Variants in SNX9 observed in about 807,000 individuals in gnomAD.
The protein encoded by SNX9 is sorting nexin 9, also known as sorting nexin-9.
A neutral mutation model predicts 89.4 loss-of-function variants in SNX9; 44 were observed. The observed-to-expected ratio is 0.49, with a 90% confidence interval of 0.39 to 0.63. The LOEUF is 0.63. SNX9 is among the 30% of genes least tolerant of loss of function. The pLI is 0.00. For missense variants in SNX9, 578 were observed against 736.1 expected, an observed-to-expected ratio of 0.79 and a Z score of 2.49; for synonymous variants, 236 against 247.8, an observed-to-expected ratio of 0.95 and a Z score of 0.45.
intron 14 of SNX9, among the ~76,000 whole-genome samples, chr6:157,936,524 A>T (rs1048757746): frequency 6.6e-6 from 1 of 152,188 alleles, no homozygotes; most frequent in African/African-American, 2.4e-5. Context: ...AAAAAAAGAC[A>T]TCTAAATGAA....
intron 2 of SNX9, among the ~76,000 whole-genome samples, chr6:157,870,849 CCTG>C (rs1386874254): frequency 1.5e-4 from 22 of 151,390 alleles, no homozygotes; most frequent in Non-Finnish European, 1.9e-4. Flanking sequence ...CCCACACTCT[CCTG>C]CTCTCACACA....
chr6:157,861,375 GACTTGGCCCTGCCATAGTTTAACAGTTT>G (rs1782117814), intron 1 of SNX9, among the ~76,000 whole-genome samples: 1 of 152,234 alleles, frequency 6.6e-6, no homozygotes, highest in Non-Finnish European at 1.5e-5. Flanking sequence ...TGGTGCAGCT[GACTTGGCCCTGCCATAGTTTAACAGTTT>G]GAATAATGAC....
At chr6:157,848,401 A>G (rs1292157363) in intron 1 of SNX9, among the ~76,000 whole-genome samples, 1 of 152,230 alleles carries the variant, frequency 6.6e-6, no homozygotes, top group Non-Finnish European at 1.5e-5. Flanking sequence ...AGATTTAGAA[A>G]AAGTGTAATT....
chr6:157,915,640 A>AAATATATAT (rs1472422303), intron 9 of SNX9, among the ~76,000 whole-genome samples: 2 of 95,172 alleles, frequency 2.1e-5, no homozygotes, highest in African/African-American at 9.3e-5. Context: ...AAAAAAAAAA[A>AAATATATAT]ATATATATAT....
chr6:157,828,732 C>G (rs113205294), intron 1 of SNX9, among the ~76,000 whole-genome samples: 4 of 152,102 alleles, frequency 2.6e-5, no homozygotes, highest in African/African-American at 7.2e-5. Context: ...TCCTCAGCCC[C>G]GCAAAGTATT....
rs1781276791 is a variant in SNX9, at chr6:157,823,457, C to T, written c.12+11C>T. The T allele has an allele frequency of 1.6e-6, 2 of 1,218,240 alleles. No homozygotes were observed. The highest frequency in any genetic ancestry group is 2.0e-6 in the Non-Finnish European group (2 of 982,062). The allele number at this position is 1,218,240 out of a possible 1,614,324, so 75.5% of individuals were successfully genotyped here. On this transcript the variant is annotated intron_variant, in intron 1 of 17. Transcript: ENST00000392185. The surrounding 1 kb of genome is among the most constrained non-coding windows in gnomAD (Gnocchi z 4.6). ...GCCATGGCCACCAAGGTGAGGGGCG[C>T]GCGGCGCAGGCCGGGCCGGTCGCTC...
chr6:157,879,490 A>G (rs573670766), intron 4 of SNX9, among the ~76,000 whole-genome samples: 4 of 152,288 alleles, frequency 2.6e-5, no homozygotes, highest in Non-Finnish European at 5.9e-5. Flanking sequence ...ACTGAATCAA[A>G]CTCTCTTCAT....
intron 1 of SNX9, among the ~76,000 whole-genome samples, chr6:157,866,217 A>G (rs980639952): frequency 6.6e-6 from 1 of 152,210 alleles, no homozygotes; most frequent in Admixed American, 6.5e-5. Flanking sequence ...CTCTTGAGGA[A>G]GAGCCTGCAA....
Position 157,921,448 on chromosome 6 carries a change from A to G in SNX9, c.950-83A>G, listed in dbSNP as rs1740477480. On this transcript the variant is annotated intron_variant, in intron 9 of 17. Coordinates refer to ENST00000392185, the MANE Select transcript of SNX9 (RefSeq NM_016224.5). ...TTTCTACCCAATAGCCAGTAGACATAGAAATGGTTTTTCAGTTACAGTATG... is the reference window on the plus strand; with the variant it reads ...TTTCTACCCAATAGCCAGTAGACATGGAAATGGTTTTTCAGTTACAGTATG... 3 of 1,436,938 alleles carry G rather than the reference A, an allele frequency of 2.1e-6. No homozygotes were observed. In the South Asian group the frequency reaches 3.8e-5, roughly 18 times the overall value. 89.0% of individuals were successfully genotyped at this position (1,436,938 alleles called of 1,614,324 possible).
At chr6:157,851,692 C>T (rs763476138) in intron 1 of SNX9, among the ~76,000 whole-genome samples, 6 of 152,144 alleles carry the variant, frequency 3.9e-5, no homozygotes, top group Admixed American at 6.6e-5. Context: ...AGGGTTCAAG[C>T]GATTTTCCTG....
intron 1 of SNX9, among the ~76,000 whole-genome samples, chr6:157,834,150 GTTTTTTTTTTTTTT>G (rs561509955): frequency 2.0e-3 from 70 of 35,642 alleles, no homozygotes; most frequent in South Asian, 4.0e-3. Flanking sequence ...GTCCACTGTG[GTTTTTTTTTTTTTT>G]TTTTTTTTTT....
At chr6:157,841,645 G>A (rs948703608) in intron 1 of SNX9, among the ~76,000 whole-genome samples, 5 of 152,144 alleles carry the variant, frequency 3.3e-5, no homozygotes, top group African/African-American at 1.2e-4. Context: ...AGTTGTCTAA[G>A]GCAGGTATCT....
chr6:157,889,388 A>G (rs945955465), intron 4 of SNX9, among the ~76,000 whole-genome samples: 40 of 146,392 alleles, frequency 2.7e-4, no homozygotes, highest in Admixed American at 2.4e-3. Context: ...CCGAGATCAC[A>G]CCACTGTACT....
At chr6:157,848,138 T>C (rs1378272847) in intron 1 of SNX9, among the ~76,000 whole-genome samples, 1 of 152,240 alleles carries the variant, frequency 6.6e-6, no homozygotes, top group African/African-American at 2.4e-5. Context: ...ACAATGCTTC[T>C]GAGAGAAGGA....
In SNX9 at chr6:157,825,583, C is replaced by A. The variant is rs532850643; in HGVS notation, c.12+2137C>A. Among the ~76,000 whole-genome samples, 25 of 152,302 alleles carry A rather than the reference C, an allele frequency of 1.6e-4. No individual in the cohort carries two copies. In the South Asian group the frequency reaches 5.0e-3, roughly 30 times the overall value. On this transcript the variant is annotated intron_variant, in intron 1 of 17. Coordinates refer to ENST00000392185, the MANE Select transcript of SNX9 (RefSeq NM_016224.5). ...ATCTACACCACTCCAAAGGCAAATT[C>A]CAGTAGTTCTGTTAGTTTCTTTCGG...
intron 1 of SNX9, among the ~76,000 whole-genome samples, chr6:157,838,306 C>T (rs1284139642): frequency 6.6e-6 from 1 of 151,706 alleles, no homozygotes; most frequent in African/African-American, 2.4e-5. Context: ...AACCACTGTG[C>T]TCGACCAATA....
At chr6:157,915,973 A>C (rs1783461250) in intron 9 of SNX9, among the ~76,000 whole-genome samples, 1 of 151,364 alleles carries the variant, frequency 6.6e-6, no homozygotes, top group African/African-American at 2.4e-5. Flanking sequence ...GGCCTTGCTA[A>C]ACTCACTCAA....
rs1781272709 is a variant in SNX9, at chr6:157,823,349, CCCTTG to C, written c.-81_-77del. On this transcript the variant is annotated 5_prime_UTR_variant, in exon 1 of 18. Transcript: ENST00000392185. The surrounding 1 kb of genome is among the most constrained non-coding windows in gnomAD (Gnocchi z 4.6). ...GGCCCAGCCGGAGCCGCCGCCCTCG[CCCTTG>C]CCTTTGCCTGCGCGGCTCAGAATCA... The C allele has an allele frequency of 8.3e-7, 1 of 1,211,782 alleles. No individual in the cohort carries two copies. The highest frequency in any genetic ancestry group is 1.6e-5 in the African/African-American group (1 of 61,466). 75.1% of individuals were successfully genotyped at this position (1,211,782 alleles called of 1,614,324 possible). A position where few individuals can be genotyped will look rare whatever the true frequency, so the allele number is the denominator to read the frequency against.
intron 1 of SNX9, among the ~76,000 whole-genome samples, chr6:157,848,573 T>C (rs557214596): frequency 1.2e-4 from 18 of 152,358 alleles, no homozygotes; most frequent in Admixed American, 9.8e-4. Context: ...AACTGTACTT[T>C]CTGTACTTTG....
Sources: allele counts gnomAD v4.1 joint callset (sites outside exome capture counted in the v4.1 genomes callset), GRCh38; gene constraint gnomAD v4.1.1; non-coding constraint Gnocchi (gnomAD v3.1); transcripts MANE v1.5; gene names NCBI Gene and HGNC (gene_info 2026-07-23, HGNC 2026-07-21).